The following SHANK2 variants were observed in gnomAD, a reference collection of about 807,000 sequenced individuals.
SHANK2 encodes SH3 and multiple ankyrin repeat domains protein 2.
A neutral mutation model predicts 133.7 loss-of-function variants in SHANK2; 43 were observed. That is an observed-to-expected ratio of 0.32 (90% confidence interval 0.25 to 0.41). The LOEUF (loss-of-function observed/expected upper bound fraction) is 0.41, where lower values mean the gene tolerates loss of function less well. SHANK2 is among the 10% of genes least tolerant of loss of function. SHANK2 has a pLI of 1.00. For missense variants in SHANK2, 1,994 were observed against 2,235.8 expected (o/e 0.89, Z 2.18); for synonymous variants, 1,017 against 952.8 (o/e 1.07, Z -1.24).
chr11:70,526,856 GA>G (rs1362660553), intron 17 of SHANK2, among the ~76,000 whole-genome samples: 3 of 151,134 alleles, frequency 2.0e-5, no homozygotes, highest in African/African-American at 7.3e-5. Context: ...GGCCCCCTCG[GA>G]ATCACATCCC....
rs1946861098 is a variant in SHANK2, at chr11:70,755,883, AGTTT to A, written c.1777+42556_1777+42559del. The stretch of plus-strand genomic sequence containing the variant: ...TCACCCTCCGATTGTTGGAAATACA[AGTTT>A]ATTTCCATCTTACAGGATGGCTTTC... On this transcript the variant is annotated intron_variant, in intron 14 of 25. Transcript: ENST00000601538. Among the ~76,000 whole-genome samples, 7 of 152,260 alleles carry A rather than the reference AGTTT, an allele frequency of 4.6e-5. 1 individual carries two copies. The highest frequency in any genetic ancestry group is 4.6e-4 in the Admixed American group (7 of 15,304).
intron 11 of SHANK2, among the ~76,000 whole-genome samples, chr11:70,827,975 G>C (rs535438985): frequency 4.6e-4 from 70 of 152,224 alleles, no homozygotes; most frequent in Non-Finnish European, 9.1e-4. Context: ...TATATCAGCT[G>C]AGCACCCGAA....
intron 3 of SHANK2, among the ~76,000 whole-genome samples, chr11:71,140,670 G>C (rs1234720006): frequency 2.0e-5 from 3 of 152,210 alleles, no homozygotes; most frequent in Non-Finnish European, 4.4e-5. Flanking sequence ...GCTGCTCCCC[G>C]GGCTGAACGC....
Position 70,472,892 on chromosome 11 carries a change from A to G in SHANK2, c.5527T>C (p.Leu1843=). 6.2e-7 allele frequency: 1 copy of G among 1,614,212 alleles called. No homozygotes were observed. The highest frequency in any genetic ancestry group is 8.5e-7 in the Non-Finnish European group (1 of 1,180,038). ...CCTTATCTGTCCAGCAGCTGTTTCA[A>G]AGCCCTTTCTATGTTCATTCTGTGC... ...VGHRMNIERA[L]KQLLDR is the part of the protein sequence containing the mutation. The change falls in exon 26 of 26, where the codon TTG becomes CTG. Residue 1843 remains leucine (L), a synonymous_variant. Coordinates refer to ENST00000601538, the MANE Select transcript of SHANK2 (RefSeq NM_012309.5). This position sits in a 1 kb window ranked among gnomAD's most constrained non-coding sequence, Gnocchi z 4.4.
intron 8 of SHANK2, among the ~76,000 whole-genome samples, chr11:71,082,377 C>T (rs1473797039): frequency 6.6e-6 from 1 of 152,238 alleles, no homozygotes; most frequent in East Asian, 1.9e-4. Context: ...CACCTCGATA[C>T]CTAGATGGAC....
At chr11:70,674,134 A>G (rs984369257) in intron 15 of SHANK2, among the ~76,000 whole-genome samples, 28 of 152,140 alleles carry the variant, frequency 1.8e-4, no homozygotes, top group Non-Finnish European at 3.5e-4. Flanking sequence ...CTCTCTTGCC[A>G]TGTGATGCCA....
At chr11:70,923,826 G>T (rs11601501) in intron 10 of SHANK2, among the ~76,000 whole-genome samples, 1 of 151,838 alleles carries the variant, frequency 6.6e-6, no homozygotes, top group Admixed American at 6.6e-5. Context: ...GCGCTGGGAT[G>T]ACAGGCATGA....
At chr11:71,109,868 T>C (rs1951864786) in intron 6 of SHANK2, 73 bp downstream of exon 6, 2 of 879,378 alleles carry the variant, frequency 2.3e-6, no homozygotes, top group East Asian at 2.6e-5. Flanking sequence ...TATTCACAGG[T>C]AGCCTGAGCA....
At chr11:70,938,468 C>CCTTGGCCTCCCA (rs1266464658) in intron 10 of SHANK2, among the ~76,000 whole-genome samples, 2 of 152,192 alleles carry the variant, frequency 1.3e-5, no homozygotes, top group African/African-American at 4.8e-5. Flanking sequence ...ATTACTGAAA[C>CCTTGGCCTCCCA]AAAAGACGGG....
chr11:71,188,682 G>C lies in SHANK2; in HGVS notation c.-13+36015C>G, dbSNP rs782498075. On this transcript the variant is annotated intron_variant, in intron 2 of 25. Coordinates refer to ENST00000601538, the MANE Select transcript of SHANK2 (RefSeq NM_012309.5). The surrounding 1 kb of genome is among the most constrained non-coding windows in gnomAD (Gnocchi z 4.6). ...GCCCAAATGCACCGTGCTGGTGCTA[G>C]AGTGCCCTGCTCACTCATCTGTCGC... Among the ~76,000 whole-genome samples the C allele has an allele frequency of 6.6e-6, 1 of 152,194 alleles. No individual in the cohort carries two copies. Among genetic ancestry groups the C allele is most frequent in the African/African-American group, 2.4e-5 (1 of 41,444 alleles).
At chr11:70,563,169 G>A (rs944480643) in intron 17 of SHANK2, among the ~76,000 whole-genome samples, 2 of 152,078 alleles carry the variant, frequency 1.3e-5, no homozygotes, top group Non-Finnish European at 2.9e-5. Context: ...GTGCCTGGCC[G>A]GGTTGATAAT....
At chr11:71,090,063 G>T (rs1364080258) in intron 8 of SHANK2, among the ~76,000 whole-genome samples, 1 of 150,788 alleles carries the variant, frequency 6.6e-6, no homozygotes, top group Non-Finnish European at 1.5e-5. Context: ...GGATATATCA[G>T]TCAGGGTTCT....
At chr11:71,064,051 G>A (rs1951017895) in intron 9 of SHANK2, among the ~76,000 whole-genome samples, 1 of 151,792 alleles carries the variant, frequency 6.6e-6, no homozygotes, top group African/African-American at 2.4e-5. Flanking sequence ...AGTTCCCACT[G>A]GCTGCTGGAT....
At chr11:70,606,890 G>A (rs948191) in intron 17 of SHANK2, among the ~76,000 whole-genome samples, 77,019 of 151,984 alleles carry the variant, frequency 0.51, 19,879 homozygotes, top group East Asian at 0.63. Flanking sequence ...TCATCCTTCA[G>A]TGCAAAGCCC....
intron 2 of SHANK2, among the ~76,000 whole-genome samples, chr11:71,155,882 G>A (rs1481594199): frequency 6.6e-6 from 1 of 152,166 alleles, no homozygotes; most frequent in Non-Finnish European, 1.5e-5. Context: ...CCGAATCCCC[G>A]GGGCCTGGAA....
chr11:70,893,920 C>A (rs1419472508), intron 11 of SHANK2, among the ~76,000 whole-genome samples: 1 of 152,106 alleles, frequency 6.6e-6, no homozygotes, highest in Non-Finnish European at 1.5e-5. Context: ...TGGTGGGTGC[C>A]CCCCTCTCTC....
chr11:71,211,192 C>CTT (rs34505384), intron 2 of SHANK2, among the ~76,000 whole-genome samples: 3,172 of 101,886 alleles, frequency 0.031, 69 homozygotes, highest in African/African-American at 0.069. Context: ...GGTCAATTTC[C>CTT]TTTTTTTTTT....
intron 14 of SHANK2, among the ~76,000 whole-genome samples, chr11:70,791,883 C>T (rs1280374678): frequency 6.6e-6 from 1 of 152,168 alleles, no homozygotes; most frequent in Non-Finnish European, 1.5e-5. Context: ...GATTCCTGCC[C>T]TACTTATTCC....
intron 14 of SHANK2, among the ~76,000 whole-genome samples, chr11:70,738,350 C>G (rs1038440461): frequency 1.3e-5 from 2 of 152,252 alleles, no homozygotes; most frequent in Non-Finnish European, 2.9e-5. Flanking sequence ...GCACCAACCC[C>G]AACCATAAAC....
Sources: gnomAD v4.1 joint callset for allele counts (sites outside exome capture counted in the v4.1 genomes callset) on GRCh38, gnomAD v4.1.1 for gene constraint, Gnocchi (gnomAD v3.1) non-coding constraint, MANE v1.5 for transcripts, NCBI Gene and HGNC (gene_info 2026-07-23, HGNC 2026-07-21) for gene names.